The following NLRP6 variants were observed in gnomAD, a reference collection of about 807,000 sequenced individuals.
NLRP6 encodes NLR family pyrin domain containing 6.
Under a neutral mutation model 70.9 loss-of-function variants are expected in NLRP6, and 55 were observed. The observed-to-expected ratio is 0.78, with a 90% confidence interval of 0.62 to 0.97. NLRP6 has a LOEUF of 0.97. Ranked by LOEUF, NLRP6 falls within the 50% of genes least tolerant of loss-of-function variation. The pLI, the probability that NLRP6 is intolerant of heterozygous loss-of-function variation, is 0.00. For synonymous variants in NLRP6, 652 were observed against 581.9 expected (o/e 1.12, Z -1.73); for missense variants, 1,241 against 1,238.3 (o/e 1.00, Z -0.03).
chr11:282,136 G>A (rs1350445168), intron 4 of NLRP6, among the ~76,000 whole-genome samples: 1 of 152,084 alleles, frequency 6.6e-6, no homozygotes, highest in Non-Finnish European at 1.5e-5. Flanking sequence ...ATAAGCTCTG[G>A]AACACACGAT....
chr11:278,622 C>A lies in NLRP6; in HGVS notation c.29+24C>A. ...AGGTGAGTGCTGGCCCCAGGGTGGT[C>A]ACTGGGAACCGGCTGGTCTCAGCCC... On this transcript the variant is annotated intron_variant, in intron 1 of 7. Coordinates refer to ENST00000534750, the MANE Select transcript of NLRP6 (RefSeq NM_001276700.2). This position sits in a 1 kb window ranked among gnomAD's most constrained non-coding sequence, Gnocchi z 4.7. 6.4e-7 allele frequency: 1 copy of A among 1,571,500 alleles called. No homozygotes were observed. Among genetic ancestry groups the A allele is most frequent in the African/African-American group, 1.4e-5 (1 of 72,492 alleles).
chr11:279,327 C>T lies in NLRP6; in HGVS notation c.30C>T (p.Ser10=). 1 of 1,281,862 alleles carries T rather than the reference C, an allele frequency of 7.8e-7. No homozygotes were observed. The highest frequency in any genetic ancestry group is 3.0e-4 in the Middle Eastern group (1 of 3,306). 79.4% of individuals were successfully genotyped at this position (1,281,862 alleles called of 1,614,324 possible). A position where few individuals can be genotyped will look rare whatever the true frequency, so the allele number is the denominator to read the frequency against. Residue 10 remains serine, a splice_region_variant and synonymous_variant, in exon 2 of 8, where the codon AGC becomes AGT. Transcript: ENST00000534750. Reference sequence around the variant, plus strand: ...ATGACCCGCGCCCGCCCGCCTCCAGCACGGGGCCGCGCCTCGCGGTGGCCC... The same window carrying T: ...ATGACCCGCGCCCGCCCGCCTCCAGTACGGGGCCGCGCCTCGCGGTGGCCC... MDQPEAPCS[S]TGPRLAVARE...
chr11:283,274 T>G (rs1471289000), intron 5 of NLRP6, among the ~76,000 whole-genome samples: 1 of 151,104 alleles, frequency 6.6e-6, no homozygotes, highest in Non-Finnish European at 1.5e-5. Context: ...ATCCAGAGAG[T>G]TGGGGTGAGA....
intron 7 of NLRP6, 93 bp downstream of exon 7, chr11:284,735 G>A (rs1478611681): frequency 2.4e-6 from 3 of 1,276,324 alleles, no homozygotes; most frequent in Non-Finnish European, 3.2e-6. Flanking sequence ...CCCTGAAGAG[G>A]GGCCCCTCCC....
chr11:283,389 C>T (rs1299212416), intron 5 of NLRP6, among the ~76,000 whole-genome samples: 1 of 148,874 alleles, frequency 6.7e-6, no homozygotes, highest in Non-Finnish European at 1.5e-5. Flanking sequence ...TCTCAGCTCA[C>T]TGCAAGCTCC....
Position 278,910 on chromosome 11 carries a change from T to G in NLRP6, c.29+312T>G. The G allele has an allele frequency of 2.7e-6, 1 of 364,398 alleles. No homozygotes were observed. Among genetic ancestry groups the G allele is most frequent in the Non-Finnish European group, 4.9e-6 (1 of 203,566 alleles). The allele number at this position is 364,398 out of a possible 1,614,324, so 22.6% of individuals were successfully genotyped here. A position where few individuals can be genotyped will look rare whatever the true frequency, so the allele number is the denominator to read the frequency against. ...CTGCTGCCAAAGAGGCCAGTTCTGC[T>G]CCGGGATCGGGAAGAGAGGGAAAAG... On this transcript the variant is annotated intron_variant, in intron 1 of 7. Transcript: ENST00000534750. This position sits in a 1 kb window ranked among gnomAD's most constrained non-coding sequence, Gnocchi z 4.7.
chr11:280,604 C>G lies in NLRP6; in HGVS notation c.870C>G (p.Pro290=), dbSNP rs772236654. ...GADELPALGG[P]EAAPCTDPFE... is the part of the protein sequence containing the mutation. ...ACGAGCTGCCGGCGCTGGGGGGCCC[C>G]GAGGCCGCGCCCTGCACAGACCCCT... The change falls in exon 4 of 8, where the codon CCC becomes CCG. Residue 290 remains proline (P), a synonymous_variant. Transcript: ENST00000534750. 2.4e-4 allele frequency: 350 copies of G among 1,444,988 alleles called. No individual in the cohort carries two copies. Among genetic ancestry groups the G allele is most frequent in the Non-Finnish European group, 3.0e-4 (338 of 1,111,898 alleles). 89.5% of individuals were successfully genotyped at this position (1,444,988 alleles called of 1,614,324 possible). A position where few individuals can be genotyped will look rare whatever the true frequency, so the allele number is the denominator to read the frequency against.
At position 279,512 on chromosome 11, in the gene NLRP6, A is replaced by C; in HGVS notation, c.215A>C (p.Tyr72Ser). ...CTCGCGGAGCAGCTGGCCCAGTTCT[A>C]CGGCCCGGAGCCTGCCCTGGAGGTG... ...VDLAEQLAQF[Y>S]GPEPALEVAR... is the part of the protein sequence containing the mutation. Residue 72 changes from tyrosine to serine, a missense_variant, in exon 2 of 8, where the codon TAC becomes TCC. Transcript: ENST00000534750. 1 of 1,456,932 alleles carries C rather than the reference A, an allele frequency of 6.9e-7. No individual in the cohort carries two copies. Among genetic ancestry groups the C allele is most frequent in the Admixed American group, 2.6e-5 (1 of 38,072 alleles). The allele number at this position is 1,456,932 out of a possible 1,614,324, so 90.3% of individuals were successfully genotyped here. A position where few individuals can be genotyped will look rare whatever the true frequency, so the allele number is the denominator to read the frequency against.
rs565671602 is a variant in NLRP6, at chr11:278,488, C to T, written c.-82C>T. The T allele has an allele frequency of 1.8e-5, 22 of 1,233,826 alleles. No homozygotes were observed. Among genetic ancestry groups the T allele is most frequent in the East Asian group, 2.8e-5 (1 of 35,770 alleles). The allele number at this position is 1,233,826 out of a possible 1,614,324, so 76.4% of individuals were successfully genotyped here. ...GGGCTGGACAACCTCTAAGACTTGG[C>T]TCCAGCTCAGCCTGTGAAGGAATCA... On this transcript the variant is annotated 5_prime_UTR_variant, in exon 1 of 8. Transcript: ENST00000534750. The surrounding 1 kb of genome is among the most constrained non-coding windows in gnomAD (Gnocchi z 4.7).
At chr11:284,183 G>A (rs1845520173) in intron 5 of NLRP6, 47 bp from the exon 6 acceptor site, 6 of 1,573,254 alleles carry the variant, frequency 3.8e-6, no homozygotes, top group East Asian at 4.5e-5. Flanking sequence ...GAGGTGGTGT[G>A]GTGGCTGAGG....
chr11:284,092 G>T lies in NLRP6; in HGVS notation c.2199-138G>T, dbSNP rs12290841. On this transcript the variant is annotated intron_variant, in intron 5 of 7. Coordinates refer to ENST00000534750, the MANE Select transcript of NLRP6 (RefSeq NM_001276700.2). ...TGACAAAGGGCAGGGCAGGCTCTGC[G>T]AGGTCCAGGGAAGGATGTGGCACCA... The T allele has an allele frequency of 1.7e-3, 1,212 of 723,734 alleles. 13 individuals carry two copies. In the African/African-American group the frequency reaches 0.019, roughly 11 times the overall value. The allele number at this position is 723,734 out of a possible 1,614,324, so 44.8% of individuals were successfully genotyped here.
At chr11:284,170 T>G in intron 5 of NLRP6, 60 bp from the exon 6 acceptor site, 2 of 1,490,884 alleles carry the variant, frequency 1.3e-6, no homozygotes, top group Non-Finnish European at 1.9e-6. Context: ...TTTTGTGCAG[T>G]TGGAGGTGGT....
In NLRP6 at chr11:280,800, A is replaced by T; in HGVS notation, c.1066A>T (p.Lys356Ter). The part of the protein sequence containing the change: ...VRGFSDKDKK[K>*]YFYKYFRDER... ...CGGCTTCTCCGACAAGGACAAGAAG[A>T]AGTATTTCTACAAGTATTTCCGGGA... is the stretch of plus-strand genomic sequence containing the variant. The change falls in exon 4 of 8, where the codon AAG (lysine) becomes TAG (stop). Residue 356 changes from lysine (K) to a stop codon, truncating the protein, a stop_gained. Transcript: ENST00000534750. LOFTEE classifies it high-confidence loss of function. 1 of 1,612,830 alleles carries T rather than the reference A, an allele frequency of 6.2e-7. No homozygotes were observed. The highest frequency in any genetic ancestry group is 8.5e-7 in the Non-Finnish European group (1 of 1,179,828).
chr11:281,615 G>A lies in NLRP6; in HGVS notation c.1881G>A (p.Glu627=). ...YPLELLYCLY[E]TQEDAFVRQA... is the part of the protein sequence containing the mutation. ...TGGAGTTGCTGTACTGCCTGTACGA[G>A]ACGCAGGAGGACGCGTTTGTGCGCC... Residue 627 remains glutamate, a synonymous_variant, in exon 4 of 8, where the codon GAG becomes GAA. Transcript: ENST00000534750. 2 of 1,612,596 alleles carry A rather than the reference G, an allele frequency of 1.2e-6. No individual in the cohort carries two copies. The highest frequency in any genetic ancestry group is 1.7e-6 in the Non-Finnish European group (2 of 1,179,504).
At chr11:281,888 C>T (rs1407159766) in intron 4 of NLRP6, 49 bp downstream of exon 4, 3 of 1,490,458 alleles carry the variant, frequency 2.0e-6, no homozygotes, top group African/African-American at 1.4e-5. Context: ...GTGTGTGTGC[C>T]GGTGCAAACC....
Position 281,785 on chromosome 11 carries a change from A to G in NLRP6, c.2051A>G (p.Glu684Gly). 6.3e-7 allele frequency: 1 copy of G among 1,579,970 alleles called. No individual in the cohort carries two copies. The highest frequency in any genetic ancestry group is 8.6e-7 in the Non-Finnish European group (1 of 1,167,862). ...AGCTGCAGATTGGTTGCTGCGCAGG[A>G]GAAGAAGAAGAAGAGCCTGGGGAAG... ...LISCRLVAAQEKKKKSLGKRL... is the reference protein window; with the variant it reads ...LISCRLVAAQGKKKKSLGKRL... The change falls in exon 4 of 8, where the codon GAG (glutamate) becomes GGG (glycine). Residue 684 changes from glutamate (E) to glycine (G), a missense_variant. By Grantham distance (98) the Glu-to-Gly change is moderately conservative. Transcript: ENST00000534750.
At position 280,619 on chromosome 11, in the gene NLRP6, C is replaced by A. The variant is rs1845458114; in HGVS notation, c.885C>A (p.Cys295Ter). 1.3e-6 allele frequency: 2 copies of A among 1,495,920 alleles called. No individual in the cohort carries two copies. The highest frequency in any genetic ancestry group is 2.9e-5 in the African/African-American group (2 of 68,848). The allele number at this position is 1,495,920 out of a possible 1,614,324, so 92.7% of individuals were successfully genotyped here. ...TGGGGGGCCCCGAGGCCGCGCCCTG[C>A]ACAGACCCCTTCGAGGCGGCGAGCG... ...PALGGPEAAPCTDPFEAASGA... is the reference protein window; with the variant it reads ...PALGGPEAAP Residue 295 changes from cysteine to a stop codon, truncating the protein, a stop_gained, in exon 4 of 8, where the codon TGC becomes TGA. Transcript: ENST00000534750. LOFTEE classifies it high-confidence loss of function.
chr11:280,581 G>C lies in NLRP6; in HGVS notation c.847G>C (p.Glu283Gln). The change falls in exon 4 of 8, where the codon GAG (glutamate) becomes CAG (glutamine). Residue 283 changes from glutamate (E) to glutamine (Q), a missense_variant. Coordinates refer to ENST00000534750, the MANE Select transcript of NLRP6 (RefSeq NM_001276700.2). ...GCTCTTCATCCTGGACGGCGCGGAC[G>C]AGCTGCCGGCGCTGGGGGGCCCCGA... is the stretch of plus-strand genomic sequence containing the variant. ...RLLFILDGAD[E>Q]LPALGGPEAA... The C allele has an allele frequency of 6.9e-7, 1 of 1,459,212 alleles. No individual in the cohort carries two copies. Among genetic ancestry groups the C allele is most frequent in the Admixed American group, 2.8e-5 (1 of 35,738 alleles). 90.4% of individuals were successfully genotyped at this position (1,459,212 alleles called of 1,614,324 possible). A position where few individuals can be genotyped will look rare whatever the true frequency, so the allele number is the denominator to read the frequency against.
chr11:280,626 C>G lies in NLRP6; in HGVS notation c.892C>G (p.Pro298Ala). 6.7e-7 allele frequency: 1 copy of G among 1,497,650 alleles called. No homozygotes were observed. Among genetic ancestry groups the G allele is most frequent in the Non-Finnish European group, 8.8e-7 (1 of 1,132,954 alleles). The allele number at this position is 1,497,650 out of a possible 1,614,324, so 92.8% of individuals were successfully genotyped here. The stretch of plus-strand genomic sequence containing the variant: ...CCCCGAGGCCGCGCCCTGCACAGAC[C>G]CCTTCGAGGCGGCGAGCGGCGCGCG... ...GGPEAAPCTD[P>A]FEAASGARVL... Residue 298 changes from proline (P) to alanine (A), a missense_variant, in exon 4 of 8, where the codon CCC (proline) becomes GCC (alanine). By Grantham distance (27) the Pro-to-Ala change is conservative (BLOSUM62 -1). Transcript: ENST00000534750.
Sources: gnomAD v4.1 joint callset for allele counts (sites outside exome capture counted in the v4.1 genomes callset) on GRCh38, gnomAD v4.1.1 for gene constraint, Gnocchi (gnomAD v3.1) non-coding constraint, MANE v1.5 for transcripts, NCBI Gene and HGNC (gene_info 2026-07-23, HGNC 2026-07-21) for gene names.